Variants in PAFAH1B2 observed in about 807,000 individuals in gnomAD.
The protein encoded by PAFAH1B2 is platelet-activating factor acetylhydrolase IB subunit alpha2.
A neutral mutation model predicts 28.0 loss-of-function variants in PAFAH1B2; 8 were observed. The observed-to-expected ratio is 0.29, with a 90% confidence interval of 0.17 to 0.52. The LOEUF is 0.52. PAFAH1B2 is among the 20% of genes least tolerant of loss of function. The pLI is 0.97. For missense variants in PAFAH1B2, 190 were observed against 282.6 expected, an observed-to-expected ratio of 0.67 and a Z score of 2.35; for synonymous variants, 104 against 103.2, an observed-to-expected ratio of 1.01 and a Z score of -0.05.
exon 6 of PAFAH1B2, chr11:117,176,212 G>C (rs2029973186): frequency 2.1e-6 from 1 of 478,318 alleles, no homozygotes; most frequent in Non-Finnish European, 3.7e-6. Context: ...TCTTCCAGCT[G>C]ACTTTCTAAT....
chr11:117,168,412 GC>G lies in PAFAH1B2; in HGVS notation c.*719del, dbSNP rs1591754592. 1 of 955,778 alleles carries G rather than the reference GC, an allele frequency of 1.0e-6. No homozygotes were observed. The highest frequency in any genetic ancestry group is 1.2e-6 in the Non-Finnish European group (1 of 815,028). 59.2% of individuals were successfully genotyped at this position (955,778 alleles called of 1,614,324 possible). ...GCCTTTCCTCCTTATTCCCCTTCAT[GC>G]CCCCCTTTCCCCTTCATTCCCCCCG... On this transcript the variant is annotated 3_prime_UTR_variant, in exon 6 of 6. Coordinates refer to ENST00000527958, the MANE Select transcript of PAFAH1B2 (RefSeq NM_002572.4).
chr11:117,174,556 G>T (rs1001019928), downstream of PAFAH1B2, among the ~76,000 whole-genome samples: 6 of 149,992 alleles, frequency 4.0e-5, no homozygotes, highest in African/African-American at 1.2e-4. Flanking sequence ...TCAGCTCACC[G>T]CAACCTCTGC....
intron 1 of PAFAH1B2, among the ~76,000 whole-genome samples, chr11:117,152,183 A>AT (rs1956167007): frequency 6.6e-6 from 1 of 152,120 alleles, no homozygotes; most frequent in South Asian, 2.1e-4. Flanking sequence ...CTTGGAGGAG[A>AT]TTTTTTAAAT....
chr11:117,161,940 G>C (rs984183685), intron 4 of PAFAH1B2, among the ~76,000 whole-genome samples: 2 of 152,124 alleles, frequency 1.3e-5, no homozygotes, highest in Non-Finnish European at 2.9e-5. Context: ...AGTAATTTTG[G>C]ATCTGTTTAA....
At chr11:117,146,734 C>T (rs1434393114) in intron 1 of PAFAH1B2, among the ~76,000 whole-genome samples, 1 of 151,626 alleles carries the variant, frequency 6.6e-6, no homozygotes, top group Non-Finnish European at 1.5e-5. Context: ...GGTGCTGTGA[C>T]TCATTCCTGT....
chr11:117,174,821 G>A (rs1956745144), downstream of PAFAH1B2: 1 of 926,928 alleles, frequency 1.1e-6, no homozygotes, highest in Non-Finnish European at 1.6e-6. Context: ...TACCATGTTG[G>A]CCAGGCTGGT....
intron 3 of PAFAH1B2, 147 bp from the exon 4 acceptor site, chr11:117,160,997 TC>T: frequency 1.7e-6 from 1 of 587,956 alleles, no homozygotes; most frequent in Non-Finnish European, 2.9e-6. Context: ...CACAATGGTA[TC>T]TTAAAAGCCC....
At chr11:117,154,554 C>T (rs946344489) in intron 2 of PAFAH1B2, among the ~76,000 whole-genome samples, 3 of 152,132 alleles carry the variant, frequency 2.0e-5, no homozygotes, top group East Asian at 3.9e-4. Flanking sequence ...GATCCACCAC[C>T]GCTTCTCAAG....
At chr11:117,163,748 C>A in intron 4 of PAFAH1B2, 22 bp from the exon 5 acceptor site, 3 of 1,611,358 alleles carry the variant, frequency 1.9e-6, no homozygotes, top group South Asian at 1.1e-5. Context: ...TTCTCCTTCC[C>A]CCCTTTTTTC....
intron 2 of PAFAH1B2, among the ~76,000 whole-genome samples, chr11:117,152,978 A>G (rs1956185335): frequency 6.6e-6 from 1 of 152,048 alleles, no homozygotes. Flanking sequence ...AGGCAGGAGA[A>G]TCGCTTGAAC....
intron 2 of PAFAH1B2, among the ~76,000 whole-genome samples, chr11:117,159,037 C>T (rs1018969828): frequency 6.6e-6 from 1 of 152,168 alleles, no homozygotes; most frequent in African/African-American, 2.4e-5. Context: ...AGTGGTCCAG[C>T]AAACATGCAC....
At chr11:117,162,663 AGAATCACTT>A (rs955998574) in intron 4 of PAFAH1B2, among the ~76,000 whole-genome samples, 1 of 151,672 alleles carries the variant, frequency 6.6e-6, no homozygotes, top group African/African-American at 2.4e-5. Context: ...CTGAGGCAGG[AGAATCACTT>A]GAACCCATGA....
chr11:117,175,723 G>A, downstream of PAFAH1B2: 4 of 1,132,084 alleles, frequency 3.5e-6, no homozygotes, highest in Non-Finnish European at 4.8e-6. Flanking sequence ...GTGTGAAGTA[G>A]GACTCTGGAT....
intron 4 of PAFAH1B2, among the ~76,000 whole-genome samples, chr11:117,162,045 T>C (rs1956385422): frequency 6.6e-6 from 1 of 152,214 alleles, no homozygotes; most frequent in South Asian, 2.1e-4. Flanking sequence ...CAGTATCTTA[T>C]ATCATAAATA....
intron 1 of PAFAH1B2, among the ~76,000 whole-genome samples, chr11:117,146,825 A>C (rs1356342549): frequency 7.9e-6 from 1 of 127,066 alleles, no homozygotes; most frequent in Non-Finnish European, 1.7e-5. Context: ...ATATGGTGAG[A>C]TCCCCATCTA....
intron 2 of PAFAH1B2, among the ~76,000 whole-genome samples, chr11:117,153,283 T>C (rs1017763272): frequency 6.6e-6 from 1 of 152,242 alleles, no homozygotes; most frequent in African/African-American, 2.4e-5. Flanking sequence ...TACAGAAATT[T>C]AGAAAGAAGT....
rs542784334 is a variant in PAFAH1B2 at position 117,170,352 on chromosome 11, A to G, written c.*2653A>G. On this transcript the variant is annotated 3_prime_UTR_variant, in exon 6 of 6. Transcript: ENST00000527958. Reference sequence around the variant, plus strand: ...ATTCCTTCGCCCACGCATTCCTGCTATACTAGATGGCAGCCAGTGATGGAA... The same window carrying G: ...ATTCCTTCGCCCACGCATTCCTGCTGTACTAGATGGCAGCCAGTGATGGAA... 3 of 1,060,238 alleles carry G rather than the reference A, an allele frequency of 2.8e-6. No individual in the cohort carries two copies. The highest frequency in any genetic ancestry group is 4.2e-4 in the Middle Eastern group (1 of 2,404). 65.7% of individuals were successfully genotyped at this position (1,060,238 alleles called of 1,614,324 possible).
chr11:117,167,558 C>T lies in PAFAH1B2; in HGVS notation c.549C>T (p.Asp183=), dbSNP rs764443143. The change falls in exon 6 of 6, where the codon GAC becomes GAT. Residue 183 remains aspartate (D), a synonymous_variant. Transcript: ENST00000527958. ...LDTDGGFVHS[D]GAISCHDMFD... is the part of the protein sequence containing the mutation. ...CCGACGGGGGTTTTGTGCACTCGGA[C>T]GGTGCCATCTCCTGCCACGACATGT... 8.1e-6 allele frequency: 13 copies of T among 1,612,906 alleles called. No individual in the cohort carries two copies. The highest frequency in any genetic ancestry group is 4.5e-5 in the East Asian group (2 of 44,872).
At chr11:117,172,402 ATATTTTTTTTTTTTTTT>A (rs1565278880), downstream of PAFAH1B2, among the ~76,000 whole-genome samples, 7 of 5,516 alleles carry the variant, frequency 1.3e-3, no homozygotes, top group Non-Finnish European at 3.0e-3. Flanking sequence ...ATATATATAT[ATATTTTTTTTTTTTTTT>A]TTTTTTTTTT....
Sources: allele counts gnomAD v4.1 joint callset (sites outside exome capture counted in the v4.1 genomes callset), GRCh38; gene constraint gnomAD v4.1.1; transcripts MANE v1.5; gene names NCBI Gene and HGNC (gene_info 2026-07-23, HGNC 2026-07-21).